Variants in CCSER1 observed in about 807,000 individuals in gnomAD.
The protein encoded by CCSER1 is coiled-coil serine rich protein 1, also known as serine-rich coiled-coil domain-containing protein 1.
Under a neutral mutation model 82.0 loss-of-function variants are expected in CCSER1, and 41 were observed. The ratio of observed to expected loss-of-function variants is 0.50; its 90% confidence interval spans 0.39 to 0.65. CCSER1 has a LOEUF of 0.65. CCSER1 is among the 30% of genes least tolerant of loss of function. The probability of loss-of-function intolerance (pLI) is 0.00; values close to 1 mark genes in which losing one functional copy is unlikely to be tolerated. For synonymous variants in CCSER1, 414 were observed against 383.9 expected (o/e 1.08, Z -0.92); for missense variants, 1,119 against 1,064.2 (o/e 1.05, Z -0.72).
Position 90,721,481 on chromosome 4 carries a change from T to C in CCSER1, c.1933-2433T>C, listed in dbSNP as rs1742674042. On this transcript the variant is annotated intron_variant, in intron 6 of 10. Coordinates refer to ENST00000509176, the MANE Select transcript of CCSER1 (RefSeq NM_001145065.2). ...TCACTTTCACATTATTATGAACCAA[T>C]CACTTGTAAAATCTCTGAAATATAT... 2.0e-5 allele frequency among the ~76,000 whole-genome samples: 3 copies of C among 151,904 alleles called. No individual in the cohort carries two copies. The South Asian group carries it at 6.2e-4, about 31-fold the overall frequency.
intron 10 of CCSER1, among the ~76,000 whole-genome samples, chr4:91,476,697 C>CAA (rs201972465): frequency 1.3e-5 from 2 of 150,412 alleles, no homozygotes; most frequent in African/African-American, 2.4e-5. Context: ...GGCAAAAAAA[C>CAA]AAAAAAAACC....
At chr4:90,137,080 A>G (rs1428017990) in intron 1 of CCSER1, among the ~76,000 whole-genome samples, 1 of 152,214 alleles carries the variant, frequency 6.6e-6, no homozygotes, top group Non-Finnish European at 1.5e-5. Context: ...TTCAGCTAGT[A>G]ATATTGTATT....
At chr4:90,407,809 C>T (rs4342160) in intron 4 of CCSER1, among the ~76,000 whole-genome samples, 4 of 152,010 alleles carry the variant, frequency 2.6e-5, no homozygotes, top group African/African-American at 7.3e-5. Flanking sequence ...GTGTGGCGCA[C>T]CCTACATGAG....
At chr4:91,535,001 TTTG>T (rs1430221225) in intron 10 of CCSER1, among the ~76,000 whole-genome samples, 53 of 151,938 alleles carry the variant, frequency 3.5e-4, no homozygotes, top group African/African-American at 1.3e-3. Flanking sequence ...TTTTATAAAT[TTTG>T]TTGATTGTTA....
chr4:90,871,737 ATC>A (rs1766532790), intron 8 of CCSER1, among the ~76,000 whole-genome samples: 1 of 151,722 alleles, frequency 6.6e-6, no homozygotes, highest in Admixed American at 6.6e-5. Context: ...TATCTGTGTG[ATC>A]TCTCTAATGC....
At chr4:90,816,769 C>A (rs1449327053) in intron 8 of CCSER1, among the ~76,000 whole-genome samples, 1 of 152,052 alleles carries the variant, frequency 6.6e-6, no homozygotes, top group African/African-American at 2.4e-5. Context: ...TTATTGAACA[C>A]AACTAAATTA....
intron 6 of CCSER1, among the ~76,000 whole-genome samples, chr4:90,723,547 A>G (rs1355297448): frequency 1.3e-5 from 2 of 151,912 alleles, no homozygotes; most frequent in African/African-American, 4.8e-5. Flanking sequence ...ATCAGTCTGA[A>G]ATACATTGAA....
intron 10 of CCSER1, among the ~76,000 whole-genome samples, chr4:91,207,134 A>G (rs916483407): frequency 6.6e-5 from 10 of 151,852 alleles, no homozygotes; most frequent in Admixed American, 3.3e-4. Context: ...ATAGTTTGAT[A>G]TATCATTGGA....
chr4:90,923,380 G>A lies in CCSER1; in HGVS notation c.2105G>A (p.Arg702Gln), dbSNP rs764157620. ...SQLQEELGKV[R>Q]HLQKAFASRV... ...TTTTTCATTTTGCAGGGAAAAGTCC[G>A]GCATTTACAGAAGGCTTTTGCTTCA... The change falls in exon 9 of 11, where the codon CGG (arginine) becomes CAG (glutamine). Residue 702 changes from arginine (R) to glutamine (Q), a missense_variant. Arg to Gln is a conservative substitution (Grantham distance 43, BLOSUM62 1). Transcript: ENST00000509176. The A allele has an allele frequency of 3.9e-5, 61 of 1,551,078 alleles. No homozygotes were observed. The Middle Eastern group carries it at 5.0e-4, about 13-fold the overall frequency.
At chr4:91,110,447 T>G (rs992041733) in intron 10 of CCSER1, among the ~76,000 whole-genome samples, 1 of 152,058 alleles carries the variant, frequency 6.6e-6, no homozygotes, top group South Asian at 2.1e-4. Flanking sequence ...TACTTCACTT[T>G]GAATTAATAA....
At chr4:90,964,673 C>T (rs6855310) in intron 9 of CCSER1, among the ~76,000 whole-genome samples, 3,875 of 133,128 alleles carry the variant, frequency 0.029, 125 homozygotes, top group African/African-American at 0.086. Flanking sequence ...TGCAGTGATC[C>T]GAGATTGTGC....
At chr4:91,464,826 C>A (rs192015940) in intron 10 of CCSER1, among the ~76,000 whole-genome samples, 49 of 152,228 alleles carry the variant, frequency 3.2e-4, no homozygotes, top group African/African-American at 9.9e-4. Context: ...ATATATGCAC[C>A]CAATACAGGA....
chr4:90,328,445 A>G (rs1232987768), intron 3 of CCSER1, among the ~76,000 whole-genome samples: 3 of 152,098 alleles, frequency 2.0e-5, no homozygotes. Context: ...TTCTGTGTCT[A>G]AAGTCACTTT....
chr4:91,242,016 G>A (rs1044894091), intron 10 of CCSER1, among the ~76,000 whole-genome samples: 1 of 151,764 alleles, frequency 6.6e-6, no homozygotes, highest in Non-Finnish European at 1.5e-5. Context: ...TTACATTTTG[G>A]TAAATGACAA....
At chr4:91,364,794 T>C (rs1265523417) in intron 10 of CCSER1, among the ~76,000 whole-genome samples, 1 of 152,096 alleles carries the variant, frequency 6.6e-6, no homozygotes, top group African/African-American at 2.4e-5. Flanking sequence ...ATCATAAAGT[T>C]GTGGATCTGA....
intron 10 of CCSER1, among the ~76,000 whole-genome samples, chr4:91,370,731 G>A (rs1749979942): frequency 6.6e-6 from 1 of 151,828 alleles, no homozygotes; most frequent in African/African-American, 2.4e-5. Flanking sequence ...GAATTTGTAT[G>A]GGTACATAGT....
intron 1 of CCSER1, among the ~76,000 whole-genome samples, chr4:90,174,416 G>T (rs867108337): frequency 1.5e-4 from 23 of 152,052 alleles, no homozygotes; most frequent in African/African-American, 4.3e-4. Context: ...TGGAACACTG[G>T]AATCAGCCAA....
chr4:90,933,248 C>T (rs925081177), intron 9 of CCSER1, among the ~76,000 whole-genome samples: 3 of 150,102 alleles, frequency 2.0e-5, no homozygotes, highest in Non-Finnish European at 4.4e-5. Flanking sequence ...AGTGCGGAGG[C>T]GCGGTCTCGG....
At chr4:90,912,635 G>A (rs116887817) in intron 8 of CCSER1, among the ~76,000 whole-genome samples, 1,663 of 152,302 alleles carry the variant, frequency 0.011, 18 homozygotes, top group East Asian at 0.043. Flanking sequence ...AAAGCTGGAC[G>A]GAGAACGACA....
Sources: gnomAD v4.1 joint callset for allele counts (sites outside exome capture counted in the v4.1 genomes callset) on GRCh38, gnomAD v4.1.1 for gene constraint, MANE v1.5 for transcripts, NCBI Gene and HGNC (gene_info 2026-07-23, HGNC 2026-07-21) for gene names.